ZNF462: variants seen among roughly 807,000 people sequenced by gnomAD.
ZNF462 encodes zinc finger PBX1-interacting protein.
In ZNF462, 10 loss-of-function variants were observed where a neutral mutation model predicts 201.9. The ratio of observed to expected loss-of-function variants is 0.05; its 90% CI spans 0.03 to 0.08. ZNF462 has a LOEUF of 0.08. ZNF462 is among the 10% of genes least tolerant of loss of function. The pLI is 1.00. For missense variants in ZNF462, 2,523 were observed against 3,168.3 expected, an observed-to-expected ratio of 0.80 and a Z score of 4.89; for synonymous variants, 1,227 against 1,193.3, an observed-to-expected ratio of 1.03 and a Z score of -0.58.
chr9:106,994,996 T>C (rs1245621524), intron 10 of ZNF462, among the ~76,000 whole-genome samples: 6 of 152,190 alleles, frequency 3.9e-5, no homozygotes, highest in Non-Finnish European at 7.3e-5. Context: ...AAATCAACTT[T>C]TCAAATATGA....
intron 1 of ZNF462, among the ~76,000 whole-genome samples, chr9:106,922,019 C>T (rs929506411): frequency 1.3e-5 from 2 of 152,130 alleles, no homozygotes; most frequent in Admixed American, 1.3e-4. Flanking sequence ...TTTTAGCAGG[C>T]GATCAGGAGG....
At position 106,930,885 on chromosome 9, in the gene ZNF462, T is replaced by C; in HGVS notation, c.6012+196T>C. 1 of 600,816 alleles carries C rather than the reference T, an allele frequency of 1.7e-6. No homozygotes were observed. Among genetic ancestry groups the C allele is most frequent in the East Asian group, 3.2e-5 (1 of 31,166 alleles). 37.2% of individuals were successfully genotyped at this position (600,816 alleles called of 1,614,324 possible). A position where few individuals can be genotyped will look rare whatever the true frequency, so the allele number is the denominator to read the frequency against. On this transcript the variant is annotated intron_variant, in intron 4 of 12. Coordinates refer to ENST00000277225, the MANE Select transcript of ZNF462 (RefSeq NM_021224.6). The surrounding 1 kb of genome is among the most constrained non-coding windows in gnomAD (Gnocchi z 5.8). ...TCTTTCTGTTCAGGGAAAGGTCGAG[T>C]TTCGATCTGGTTTCCTTCCACGCGG...
At chr9:107,002,296 G>C (rs1254886637) in intron 10 of ZNF462, among the ~76,000 whole-genome samples, 1 of 152,118 alleles carries the variant, frequency 6.6e-6, no homozygotes, top group East Asian at 1.9e-4. Context: ...GCCAGAACCA[G>C]GTCTCATTCA....
intron 7 of ZNF462, among the ~76,000 whole-genome samples, chr9:106,959,696 A>T (rs1831740929): frequency 6.6e-6 from 1 of 152,092 alleles, no homozygotes; most frequent in Non-Finnish European, 1.5e-5. Flanking sequence ...CATCTATATA[A>T]TGGGAAGTAA....
At position 107,009,484 on chromosome 9, in the gene ZNF462, G is replaced by A. The variant is rs1348397280; in HGVS notation, c.7190-61G>A. 6.2e-7 allele frequency: 1 copy of A among 1,604,682 alleles called. No homozygotes were observed. Among genetic ancestry groups the A allele is most frequent in the Non-Finnish European group, 8.5e-7 (1 of 1,173,766 alleles). ...GAGAGAGGGTATCCTAATGAATGCT[G>A]ACTTACCTATTCTGCTGATTCCCAC... On this transcript the variant is annotated intron_variant, in intron 11 of 12. Transcript: ENST00000277225. The surrounding 1 kb of genome is among the most constrained non-coding windows in gnomAD (Gnocchi z 6.1).
At chr9:106,879,339 C>CT (rs1554693630) in intron 1 of ZNF462, among the ~76,000 whole-genome samples, 1 of 108,768 alleles carries the variant, frequency 9.2e-6, no homozygotes, top group Admixed American at 1.1e-4. Flanking sequence ...TCCACCCCCC[C>CT]CCCCACCCCC....
intron 7 of ZNF462, among the ~76,000 whole-genome samples, chr9:106,940,530 G>A (rs780151157): frequency 2.6e-5 from 4 of 152,170 alleles, no homozygotes; most frequent in Admixed American, 6.5e-5. Context: ...TAAGTCCTAA[G>A]ATGAAAAGCT....
chr9:106,982,937 A>G (rs181522375), intron 9 of ZNF462, among the ~76,000 whole-genome samples: 2 of 152,228 alleles, frequency 1.3e-5, no homozygotes, highest in Non-Finnish European at 1.5e-5. Context: ...ATTGCTATTC[A>G]GTGACTCTGG....
At position 107,009,515 on chromosome 9, in the gene ZNF462, A is replaced by T; in HGVS notation, c.7190-30A>T. 6.2e-7 allele frequency: 1 copy of T among 1,613,362 alleles called. No homozygotes were observed. The highest frequency in any genetic ancestry group is 1.1e-5 in the South Asian group (1 of 91,018). ...CCTATTCTGCTGATTCCCACAGCAC[A>T]CAGGTAACACTTCTGCTTTCTCTTT... On this transcript the variant is annotated intron_variant, in intron 11 of 12. Transcript: ENST00000277225. This position sits in a 1 kb window ranked among gnomAD's most constrained non-coding sequence, Gnocchi z 6.1.
rs1828200247 is a variant in ZNF462, at chr9:106,883,714, T to A, written c.-31+20359T>A. 6.6e-6 allele frequency among the ~76,000 whole-genome samples: 1 copy of A among 152,244 alleles called. No individual in the cohort carries two copies. The highest frequency in any genetic ancestry group is 2.4e-5 in the African/African-American group (1 of 41,462). On this transcript the variant is annotated intron_variant, in intron 1 of 12. Coordinates refer to ENST00000277225, the MANE Select transcript of ZNF462 (RefSeq NM_021224.6). This position sits in a 1 kb window ranked among gnomAD's most constrained non-coding sequence, Gnocchi z 4.9. ...TAAATCTTTTCCTCTGAAGTTTGGATGCGGTTCAAAGCTAAGATTGAGGCT... is the reference window on the plus strand; with the variant it reads ...TAAATCTTTTCCTCTGAAGTTTGGAAGCGGTTCAAAGCTAAGATTGAGGCT...
chr9:106,979,104 G>A (rs1827225398), intron 9 of ZNF462: 1 of 162,248 alleles, frequency 6.2e-6, no homozygotes. Flanking sequence ...CACATCATGT[G>A]CAGTCACCAT....
At position 106,925,557 on chromosome 9, in the gene ZNF462, C is replaced by T. The variant is rs759424544; in HGVS notation, c.1645C>T (p.Pro549Ser). 1 of 1,612,376 alleles carries T rather than the reference C, an allele frequency of 6.2e-7. No homozygotes were observed. The highest frequency in any genetic ancestry group is 8.5e-7 in the Non-Finnish European group (1 of 1,179,272). The change falls in exon 3 of 13, where the codon CCG (proline) becomes TCG (serine). Residue 549 changes from proline (P) to serine (S), a missense_variant. By Grantham distance (74) the Pro-to-Ser change is moderately conservative. Around this residue, in one of 15 missense-constraint regions of ZNF462, gnomAD observed 383 missense variants for 453.4 expected, o/e 0.84. Coordinates refer to ENST00000277225, the MANE Select transcript of ZNF462 (RefSeq NM_021224.6). This position sits in a 1 kb window ranked among gnomAD's most constrained non-coding sequence, Gnocchi z 7.9. ...ACAGCCACCGCAGCCACCACCACCGCCGCCGCCACCACCACCATCACAGCC... is the reference window on the plus strand; with the variant it reads ...ACAGCCACCGCAGCCACCACCACCGTCGCCGCCACCACCACCATCACAGCC... ...QQQPPQPPPP[P>S]PPPPPSQPQP...
chr9:106,945,505 T>A (rs953791403), intron 7 of ZNF462, among the ~76,000 whole-genome samples: 3 of 152,176 alleles, frequency 2.0e-5, no homozygotes, highest in Admixed American at 2.0e-4. Context: ...TGAGGTGGTT[T>A]CTTTAAAAAC....
intron 1 of ZNF462, among the ~76,000 whole-genome samples, chr9:106,922,938 T>A (rs545781417): frequency 6.6e-6 from 1 of 152,366 alleles, no homozygotes; most frequent in African/African-American, 2.4e-5. Context: ...TTTCCCTTTC[T>A]TCTGTGTGGA....
intron 1 of ZNF462, among the ~76,000 whole-genome samples, chr9:106,884,979 A>G (rs1828257652): frequency 6.6e-6 from 1 of 152,222 alleles, no homozygotes; most frequent in Admixed American, 6.5e-5. Context: ...AGCTCAGTAG[A>G]TGTTTCTTCA....
At chr9:106,922,330 A>G (rs1042142775) in intron 1 of ZNF462, among the ~76,000 whole-genome samples, 2 of 152,120 alleles carry the variant, frequency 1.3e-5, no homozygotes, top group African/African-American at 2.4e-5. Context: ...TACATTTTTG[A>G]CTTCTTGATG....
rs916718079 is a variant in ZNF462, at chr9:106,913,723, G to A, written c.-30-9631G>A. ...AACAGTTTTCCTGCCTCAGCCTCCCGAGTAGCTGGGATTACAGGCACCTGC... is the reference window on the plus strand; with the variant it reads ...AACAGTTTTCCTGCCTCAGCCTCCCAAGTAGCTGGGATTACAGGCACCTGC... On this transcript the variant is annotated intron_variant, in intron 1 of 12. Transcript: ENST00000277225. The surrounding 1 kb of genome is among the most constrained non-coding windows in gnomAD (Gnocchi z 4.1). Among the ~76,000 whole-genome samples the A allele has an allele frequency of 2.1e-5, 3 of 144,852 alleles. No homozygotes were observed. The highest frequency in any genetic ancestry group is 2.5e-5 in the African/African-American group (1 of 40,776).
At chr9:106,996,694 C>T (rs1828758813) in intron 10 of ZNF462, among the ~76,000 whole-genome samples, 1 of 152,010 alleles carries the variant, frequency 6.6e-6, no homozygotes, top group African/African-American at 2.4e-5. Context: ...TGTTTAAGTT[C>T]TTTGTAGATT....
chr9:106,977,235 G>T lies in ZNF462; in HGVS notation c.6832+2962G>T, dbSNP rs1020512777. On this transcript the variant is annotated intron_variant, in intron 9 of 12. Coordinates refer to ENST00000277225, the MANE Select transcript of ZNF462 (RefSeq NM_021224.6). This position sits in a 1 kb window ranked among gnomAD's most constrained non-coding sequence, Gnocchi z 4.6. ...TGCCTTGCAATTTTGAGTTGGGGCT[G>T]ATCTCAAAGTAACAAGACATGGCTC... is the stretch of plus-strand genomic sequence containing the variant. 6.8e-5 allele frequency among the ~76,000 whole-genome samples: 10 copies of T among 147,218 alleles called. No individual in the cohort carries two copies. The highest frequency in any genetic ancestry group is 2.4e-4 in the African/African-American group (9 of 36,786).
Sources: allele counts gnomAD v4.1 joint callset (sites outside exome capture counted in the v4.1 genomes callset), GRCh38; gene constraint gnomAD v4.1.1; regional missense constraint gnomAD v4.1.1; non-coding constraint Gnocchi (gnomAD v3.1); transcripts MANE v1.5; gene names NCBI Gene and HGNC (gene_info 2026-07-23, HGNC 2026-07-21).